TTC3: variants seen among roughly 807,000 people sequenced by gnomAD.
TTC3 encodes E3 ubiquitin-protein ligase TTC3.
TTC3 carries 180 observed loss-of-function variants against 249.6 expected under a neutral mutation model. That is an observed-to-expected ratio of 0.72 (90% CI 0.64 to 0.82). The LOEUF is 0.82. Ranked by LOEUF, TTC3 falls within the 40% of genes least tolerant of loss-of-function variation. TTC3 has a pLI of 0.00. For missense variants in TTC3, 2,061 were observed against 2,398.4 expected, an observed-to-expected ratio of 0.86 and a Z score of 2.94; for synonymous variants, 717 against 805.0, an observed-to-expected ratio of 0.89 and a Z score of 1.85.
intron 19 of TTC3, 64 bp from the exon 20 acceptor site, chr21:37,140,497 G>T: frequency 8.7e-7 from 1 of 1,155,480 alleles, no homozygotes; most frequent in Non-Finnish European, 1.2e-6. Context: ...TCAACCTTTA[G>T]ATAAAATTTA....
Position 37,148,125 on chromosome 21 carries a change from C to T in TTC3, c.2017-421C>T, listed in dbSNP as rs73393133. Among the ~76,000 whole-genome samples, 1,403 of 152,278 alleles carry T rather than the reference C, an allele frequency of 9.2e-3. 25 individuals carry two copies. The highest frequency in any genetic ancestry group is 0.032 in the African/African-American group (1,328 of 41,534). On this transcript the variant is annotated intron_variant, in intron 22 of 45. Transcript: ENST00000355666. ...GTAGTGACCTGAGAAGGCAGGCTGG[C>T]TCATTCTTTTTCCTCTTCAAGCTAC...
chr21:37,155,494 G>A (rs1303811918), intron 27 of TTC3, among the ~76,000 whole-genome samples: 1 of 152,120 alleles, frequency 6.6e-6, no homozygotes, highest in South Asian at 2.1e-4. Flanking sequence ...CCTTATTCTG[G>A]TGTTTAAAGA....
chr21:37,170,947 A>G (rs757113112), intron 34 of TTC3, among the ~76,000 whole-genome samples: 2 of 152,232 alleles, frequency 1.3e-5, no homozygotes, highest in Non-Finnish European at 2.9e-5. Flanking sequence ...TATATATTTT[A>G]TTTGAAATTT....
At chr21:37,186,553 G>A (rs375844059) in intron 37 of TTC3, among the ~76,000 whole-genome samples, 3 of 152,184 alleles carry the variant, frequency 2.0e-5, no homozygotes, top group East Asian at 1.9e-4. Context: ...CAATTCTCTC[G>A]CCTCAGCCTC....
chr21:37,166,088 T>C, exon 33 of TTC3: 1 of 1,614,236 alleles, frequency 6.2e-7, no homozygotes, highest in Non-Finnish European at 8.5e-7. Context: ...CAAGCGAGTC[T>C]CCTGTAATTC....
chr21:37,188,683 C>G (rs146893153), intron 39 of TTC3, 88 bp downstream of exon 39: 8 of 919,242 alleles, frequency 8.7e-6, no homozygotes, highest in Admixed American at 2.7e-5. Context: ...GTATTAGGAC[C>G]ATTTTATTTT....
chr21:37,095,477 TC>T lies in TTC3; in HGVS notation c.782+34del, dbSNP rs1217201832. The T allele has an allele frequency of 4.4e-6, 6 of 1,365,994 alleles. No homozygotes were observed. In the African/African-American group the frequency reaches 8.9e-5, roughly 20 times the overall value. 84.6% of individuals were successfully genotyped at this position (1,365,994 alleles called of 1,614,324 possible). A position where few individuals can be genotyped will look rare whatever the true frequency, so the allele number is the denominator to read the frequency against. ...CAAATAGAACAAAAGAGATGCTTTTTCTATGGCACATCAAGTTAGAATGGTA... is the reference window on the plus strand; with the variant it reads ...CAAATAGAACAAAAGAGATGCTTTTTTATGGCACATCAAGTTAGAATGGTA... On this transcript the variant is annotated intron_variant, in intron 9 of 45. Transcript: ENST00000355666.
Position 37,155,243 on chromosome 21 carries a change from C to T in TTC3, c.2741-1412C>T, listed in dbSNP as rs1601840246. ...GGACTTACATCATGCACATATTTACCATAAGAGAGGTCCAGTTTTTATGTT... is the reference window on the plus strand; with the variant it reads ...GGACTTACATCATGCACATATTTACTATAAGAGAGGTCCAGTTTTTATGTT... On this transcript the variant is annotated intron_variant, in intron 27 of 45. Transcript: ENST00000355666. Among the ~76,000 whole-genome samples, 3 of 150,490 alleles carry T rather than the reference C, an allele frequency of 2.0e-5. No homozygotes were observed. The East Asian group carries it at 5.9e-4, about 29-fold the overall frequency.
intron 14 of TTC3, among the ~76,000 whole-genome samples, chr21:37,125,404 T>G (rs1026961965): frequency 2.0e-5 from 3 of 152,220 alleles, no homozygotes; most frequent in African/African-American, 7.2e-5. Context: ...TTGTGAGTTG[T>G]GAGAGATATT....
intron 10 of TTC3, chr21:37,107,600 G>T (rs2075210025): frequency 6.6e-6 from 1 of 152,146 alleles, no homozygotes; most frequent in Non-Finnish European, 1.5e-5. Context: ...AGAAAAATGG[G>T]CCCAGAGATG....
intron 36 of TTC3, among the ~76,000 whole-genome samples, chr21:37,184,816 T>G (rs920491584): frequency 6.6e-6 from 1 of 152,170 alleles, no homozygotes; most frequent in Non-Finnish European, 1.5e-5. Flanking sequence ...AATTTTTCTA[T>G]TTAGATTTTT....
chr21:37,187,436 T>C (rs1198249302), intron 38 of TTC3, among the ~76,000 whole-genome samples: 2 of 152,240 alleles, frequency 1.3e-5, no homozygotes, highest in African/African-American at 4.8e-5. Flanking sequence ...ATTATACACT[T>C]TGAATACTTT....
At chr21:37,185,027 AGT>A (rs1380244084) in intron 36 of TTC3, among the ~76,000 whole-genome samples, 1 of 152,186 alleles carries the variant, frequency 6.6e-6, no homozygotes, top group East Asian at 1.9e-4. Context: ...AGAGTGTCAG[AGT>A]GTCACCCAGT....
chr21:37,144,021 C>T (rs969044484), intron 20 of TTC3, among the ~76,000 whole-genome samples: 3 of 151,614 alleles, frequency 2.0e-5, no homozygotes, highest in African/African-American at 4.9e-5. Context: ...CATGTTCTCA[C>T]TCGTAGGTGG....
At chr21:37,156,867 G>T in exon 28 of TTC3, 1 of 1,613,930 alleles carries the variant, frequency 6.2e-7, no homozygotes, top group Non-Finnish European at 8.5e-7. Flanking sequence ...CAAGTTCCCA[G>T]CATTGCATAG....
chr21:37,076,804 G>C (rs962863828), intron 1 of TTC3, among the ~76,000 whole-genome samples: 20 of 142,382 alleles, frequency 1.4e-4, no homozygotes, highest in African/African-American at 4.5e-4. Flanking sequence ...CCAAGTTCAA[G>C]TGATTCTCTT....
intron 44 of TTC3, 96 bp from the exon 45 acceptor site, chr21:37,200,136 T>G (rs2085344171): frequency 9.1e-7 from 1 of 1,104,722 alleles, no homozygotes; most frequent in African/African-American, 1.6e-5. Context: ...CCACCCTTTG[T>G]GGCAGAAGAT....
intron 8 of TTC3, among the ~76,000 whole-genome samples, chr21:37,094,313 GAA>G (rs2073676743): frequency 6.6e-6 from 1 of 152,124 alleles, no homozygotes; most frequent in Admixed American, 6.5e-5. Context: ...ATGAGTTGAA[GAA>G]ATATGATTTT....
chr21:37,123,070 G>T (rs767142271), intron 13 of TTC3, 42 bp downstream of exon 13: 3 of 1,594,238 alleles, frequency 1.9e-6, no homozygotes, highest in Non-Finnish European at 2.6e-6. Flanking sequence ...ACTAGGAATG[G>T]CTTTGCTGCA....
Sources: allele counts gnomAD v4.1 joint callset (sites outside exome capture counted in the v4.1 genomes callset), GRCh38; gene constraint gnomAD v4.1.1; transcripts MANE v1.5; gene names NCBI Gene and HGNC (gene_info 2026-07-23, HGNC 2026-07-21).